The following GRIK2 variants were observed in gnomAD, a reference collection of about 807,000 sequenced individuals.
GRIK2 encodes glutamate receptor ionotropic, kainate 2.
A neutral mutation model predicts 100.3 loss-of-function variants in GRIK2; 32 were observed. That is an observed-to-expected ratio of 0.32 (90% CI 0.24 to 0.43). The LOEUF (loss-of-function observed/expected upper bound fraction) is 0.43. Ranked by LOEUF, GRIK2 falls within the 20% of genes least tolerant of loss-of-function variation. The probability of loss-of-function intolerance (pLI) is 1.00; values close to 1 mark genes in which losing one functional copy is unlikely to be tolerated. For missense variants in GRIK2, 843 were observed against 1,114.9 expected (o/e 0.76, Z 3.47); for synonymous variants, 417 against 389.4 (o/e 1.07, Z -0.83).
At chr6:101,728,078 TTTA>T (rs909404163) in intron 7 of GRIK2, among the ~76,000 whole-genome samples, 2 of 152,020 alleles carry the variant, frequency 1.3e-5, no homozygotes, top group Non-Finnish European at 2.9e-5. Flanking sequence ...ATATAATTAT[TTTA>T]TTGAGATAAT....
intron 14 of GRIK2, among the ~76,000 whole-genome samples, chr6:101,933,380 C>T (rs111953738): frequency 1.8e-4 from 28 of 151,868 alleles, no homozygotes; most frequent in Non-Finnish European, 4.1e-4. Flanking sequence ...TCGTCTATCT[C>T]TTTCTTGTCC....
At chr6:101,639,339 A>G (rs1330666348) in intron 4 of GRIK2, among the ~76,000 whole-genome samples, 1 of 152,130 alleles carries the variant, frequency 6.6e-6, no homozygotes, top group Non-Finnish European at 1.5e-5. Flanking sequence ...CAGCCAGATA[A>G]CTGATTTTAT....
At chr6:101,513,353 T>A (rs1774416522) in intron 2 of GRIK2, among the ~76,000 whole-genome samples, 3 of 152,158 alleles carry the variant, frequency 2.0e-5, no homozygotes. Flanking sequence ...CAGCACAAAG[T>A]TCTTTTGAAG....
intron 7 of GRIK2, among the ~76,000 whole-genome samples, chr6:101,792,839 G>T (rs150478661): frequency 0.11 from 17,428 of 151,994 alleles, 1,099 homozygotes; most frequent in Admixed American, 0.16. Flanking sequence ...TCTCTTTCAG[G>T]TACACCAATC....
chr6:101,686,949 C>A (rs1771744858), intron 7 of GRIK2, among the ~76,000 whole-genome samples: 1 of 151,916 alleles, frequency 6.6e-6, no homozygotes, highest in Non-Finnish European at 1.5e-5. Context: ...GTTGTTTATA[C>A]CAATGCTTAC....
intron 2 of GRIK2, among the ~76,000 whole-genome samples, chr6:101,563,038 G>A (rs1447672935): frequency 6.6e-6 from 1 of 152,160 alleles, no homozygotes; most frequent in African/African-American, 2.4e-5. Context: ...ATGTTTGATA[G>A]GGCAGCTGCT....
At chr6:102,030,439 C>T (rs1037241112) in intron 14 of GRIK2, among the ~76,000 whole-genome samples, 3 of 150,814 alleles carry the variant, frequency 2.0e-5, no homozygotes, top group African/African-American at 4.9e-5. Context: ...GCACTTACTG[C>T]TACCAGTTTA....
At chr6:101,696,143 AAT>A in intron 7 of GRIK2, among the ~76,000 whole-genome samples, 1 of 152,116 alleles carries the variant, frequency 6.6e-6, no homozygotes, top group East Asian at 1.9e-4. Context: ...TTTTAGAATC[AAT>A]ATGTCTGTAA....
intron 2 of GRIK2, among the ~76,000 whole-genome samples, chr6:101,518,493 A>T (rs1582628034): frequency 6.6e-6 from 1 of 152,194 alleles, no homozygotes; most frequent in East Asian, 1.9e-4. Flanking sequence ...GCTTCCCATC[A>T]TATTGGAGAG....
At chr6:101,934,815 A>T (rs1215385360) in intron 14 of GRIK2, among the ~76,000 whole-genome samples, 1 of 151,990 alleles carries the variant, frequency 6.6e-6, no homozygotes, top group Non-Finnish European at 1.5e-5. Flanking sequence ...TGTGCTTTTC[A>T]CATTGAAAAA....
rs535768273 is a variant in GRIK2, at chr6:102,052,937, G to C, written c.2312-2393G>C. 4.8e-4 allele frequency among the ~76,000 whole-genome samples: 73 copies of C among 151,982 alleles called. No individual in the cohort carries two copies. In the South Asian group the frequency reaches 0.015, roughly 32 times the overall value. On this transcript the variant is annotated intron_variant, in intron 15 of 16. Transcript: ENST00000369134. ...GTACTAAAAATACAGATGAGGTGGC[G>C]GGCACCTGTCATCCCAGCTACTCAG...
At chr6:101,518,197 G>A (rs1023568039) in intron 2 of GRIK2, among the ~76,000 whole-genome samples, 1 of 152,102 alleles carries the variant, frequency 6.6e-6, no homozygotes, top group African/African-American at 2.4e-5. Context: ...AAAAAAAAGT[G>A]CTATGGCAAG....
chr6:101,470,835 G>C (rs1270706898), intron 2 of GRIK2, among the ~76,000 whole-genome samples: 1 of 152,090 alleles, frequency 6.6e-6, no homozygotes, highest in Non-Finnish European at 1.5e-5. Context: ...CAAATTTTTA[G>C]CTAACTTTTC....
chr6:101,793,468 A>T (rs1474823421), intron 7 of GRIK2, among the ~76,000 whole-genome samples: 12 of 152,130 alleles, frequency 7.9e-5, no homozygotes, highest in African/African-American at 2.4e-5. Context: ...TTGCTAGAGG[A>T]CCACTCCAGA....
intron 14 of GRIK2, among the ~76,000 whole-genome samples, chr6:101,990,552 T>C (rs1410704816): frequency 6.6e-6 from 1 of 151,646 alleles, no homozygotes; most frequent in African/African-American, 2.4e-5. Flanking sequence ...AAATGAAAAC[T>C]TAGCATGAGA....
chr6:101,806,492 A>G (rs954558546), intron 9 of GRIK2, among the ~76,000 whole-genome samples: 2 of 151,994 alleles, frequency 1.3e-5, no homozygotes, highest in African/African-American at 4.8e-5. Context: ...TTAAAAGGAA[A>G]TTGACCCCTG....
chr6:101,446,290 G>A (rs753774479), intron 2 of GRIK2, among the ~76,000 whole-genome samples: 4 of 151,918 alleles, frequency 2.6e-5, no homozygotes, highest in Non-Finnish European at 4.4e-5. Flanking sequence ...ACTCCTGATA[G>A]CAAAGGTTTG....
At chr6:101,805,234 T>A (rs1156361734) in intron 9 of GRIK2, among the ~76,000 whole-genome samples, 1 of 151,672 alleles carries the variant, frequency 6.6e-6, no homozygotes, top group East Asian at 1.9e-4. Context: ...GAGGCTTGAA[T>A]TTCAGTTCCA....
chr6:101,731,992 A>G (rs1440337747), intron 7 of GRIK2, among the ~76,000 whole-genome samples: 1 of 152,062 alleles, frequency 6.6e-6, no homozygotes, highest in Non-Finnish European at 1.5e-5. Context: ...TCATTTCATC[A>G]TTTTCAAATG....
Sources: gnomAD v4.1 joint callset for allele counts (sites outside exome capture counted in the v4.1 genomes callset) on GRCh38, gnomAD v4.1.1 for gene constraint, MANE v1.5 for transcripts, NCBI Gene and HGNC (gene_info 2026-07-23, HGNC 2026-07-21) for gene names.